GLP1R: variants seen among roughly 807,000 people sequenced by gnomAD.
GLP1R encodes the protein glucagon-like peptide 1 receptor.
A neutral mutation model predicts 68.4 loss-of-function variants in GLP1R; 32 were observed. The observed-to-expected ratio is 0.47, with a 90% CI of 0.35 to 0.63. GLP1R has a LOEUF of 0.63. Among genes scored for constraint, GLP1R ranks in the 20% least tolerant of loss-of-function variants. The pLI, the probability that GLP1R is intolerant of heterozygous loss-of-function variation, is 0.00. For missense variants in GLP1R, 502 were observed against 594.9 expected, an observed-to-expected ratio of 0.84 and a Z score of 1.62; for synonymous variants, 263 against 244.4, an observed-to-expected ratio of 1.08 and a Z score of -0.71.
intron 7 of GLP1R, among the ~76,000 whole-genome samples, chr6:39,078,011 G>C (rs967574741): frequency 6.6e-6 from 1 of 152,100 alleles, no homozygotes. Flanking sequence ...GCTGCTGTTT[G>C]TGTGTCTGTG....
intron 1 of GLP1R, among the ~76,000 whole-genome samples, chr6:39,052,270 A>G (rs1021547511): frequency 1.3e-5 from 2 of 152,060 alleles, no homozygotes; most frequent in African/African-American, 4.8e-5. Context: ...TTGAAAAAAA[A>G]GAAAGAAAGA....
chr6:39,073,917 C>T (rs10305478), intron 7 of GLP1R, 148 bp downstream of exon 7: 37,239 of 671,666 alleles, frequency 0.055, 1,486 homozygotes, highest in South Asian at 0.12. Flanking sequence ...CCTTCTGCCC[C>T]GGTGCTGTTA....
rs1768941520 is a variant in GLP1R at position 39,079,693 on chromosome 6, C to T, written c.1173C>T (p.Thr391=). The change falls in exon 11 of 13, where the codon ACC becomes ACT. Residue 391 remains threonine, a synonymous_variant. Transcript: ENST00000373256. This position sits in a 1 kb window ranked among gnomAD's most constrained non-coding sequence, Gnocchi z 4.5. ...AGCTGTTTACAGAGCTCTCCTTCAC[C>T]TCCTTCCAGGTGACTTCATGCTTGG... ...FIKLFTELSF[T]SFQGLMVAIL... 1 of 1,612,730 alleles carries T rather than the reference C, an allele frequency of 6.2e-7. No individual in the cohort carries two copies. Among genetic ancestry groups the T allele is most frequent in the African/African-American group, 1.3e-5 (1 of 74,970 alleles).
chr6:39,084,088 A>C (rs2150839277), intron 12 of GLP1R, among the ~76,000 whole-genome samples: 1 of 152,224 alleles, frequency 6.6e-6, no homozygotes, highest in South Asian at 2.1e-4. Flanking sequence ...GCAGGACTGC[A>C]AGAGCCACGC....
intron 12 of GLP1R, among the ~76,000 whole-genome samples, chr6:39,082,476 T>A (rs1769031296): frequency 6.6e-6 from 1 of 152,046 alleles, no homozygotes; most frequent in African/African-American, 2.4e-5. Flanking sequence ...GGCCCATAAA[T>A]GGGATTCTGG....
chr6:39,071,364 A>AG (rs1398390351), intron 5 of GLP1R, among the ~76,000 whole-genome samples: 24 of 137,362 alleles, frequency 1.7e-4, no homozygotes, highest in Middle Eastern at 4.0e-3. Context: ...AAAAAAAAAA[A>AG]AAAGAAAGAA....
intron 2 of GLP1R, 88 bp from the exon 3 acceptor site, chr6:39,057,384 C>T (rs553851041): frequency 3.6e-4 from 292 of 819,870 alleles, no homozygotes; most frequent in Middle Eastern, 6.6e-4. Context: ...ATGCAGCCTC[C>T]GAGGAGGGGA....
At chr6:39,083,211 A>G (rs1445723139) in intron 12 of GLP1R, among the ~76,000 whole-genome samples, 1 of 152,212 alleles carries the variant, frequency 6.6e-6, no homozygotes, top group Non-Finnish European at 1.5e-5. Flanking sequence ...CCCTGCTCAG[A>G]GAACGGGAGA....
intron 12 of GLP1R, among the ~76,000 whole-genome samples, chr6:39,081,901 G>A (rs373741017): frequency 7.2e-4 from 109 of 152,302 alleles, no homozygotes; most frequent in African/African-American, 2.0e-3. Context: ...AAAAAGGTGC[G>A]AAAGGGGAAC....
chr6:39,065,645 G>A (rs1768481377), intron 3 of GLP1R, 66 bp from the exon 4 acceptor site: 3 of 929,108 alleles, frequency 3.2e-6, no homozygotes, highest in East Asian at 2.7e-5. Context: ...AGGAAGGGGA[G>A]CATCTAGCAC....
chr6:39,063,087 G>A (rs571260141), intron 3 of GLP1R, among the ~76,000 whole-genome samples: 1 of 152,286 alleles, frequency 6.6e-6, no homozygotes, highest in Non-Finnish European at 1.5e-5. Flanking sequence ...GTCTTTAGAT[G>A]GTTTGTGTGC....
In GLP1R at chr6:39,079,808, G is replaced by C; in HGVS notation, c.1182+106G>C. On this transcript the variant is annotated intron_variant, in intron 11 of 12. Transcript: ENST00000373256. The surrounding 1 kb of genome is among the most constrained non-coding windows in gnomAD (Gnocchi z 4.5). ...GAAAAGGTGGGAAGACTGGGACCTG[G>C]AGGGGTGATCCCTGCCCAAAGTCAC... The C allele has an allele frequency of 9.4e-7, 1 of 1,064,274 alleles. No homozygotes were observed. The highest frequency in any genetic ancestry group is 1.4e-6 in the Non-Finnish European group (1 of 716,040). The allele number at this position is 1,064,274 out of a possible 1,614,324, so 65.9% of individuals were successfully genotyped here. A position where few individuals can be genotyped will look rare whatever the true frequency, so the allele number is the denominator to read the frequency against.
intron 3 of GLP1R, among the ~76,000 whole-genome samples, chr6:39,058,721 G>A (rs892279328): frequency 6.6e-6 from 1 of 152,126 alleles, no homozygotes; most frequent in Non-Finnish European, 1.5e-5. Flanking sequence ...AGTACCTACT[G>A]TGTGCCAAGT....
intron 7 of GLP1R, 40 bp downstream of exon 7, chr6:39,073,809 G>C: frequency 6.3e-7 from 1 of 1,593,476 alleles, no homozygotes; most frequent in Non-Finnish European, 8.6e-7. Flanking sequence ...TGTGGCACGG[G>C]GGTGGGAGAC....
intron 3 of GLP1R, among the ~76,000 whole-genome samples, chr6:39,058,931 G>A (rs1456188246): frequency 6.6e-6 from 1 of 152,254 alleles, no homozygotes; most frequent in African/African-American, 2.4e-5. Context: ...CCAGAAACAA[G>A]TGCGGGCATG....
chr6:39,060,664 T>G (rs933329244), intron 3 of GLP1R, among the ~76,000 whole-genome samples: 1 of 152,192 alleles, frequency 6.6e-6, no homozygotes, highest in Non-Finnish European at 1.5e-5. Flanking sequence ...CTTCTGCCAA[T>G]GCCTCCCACT....
At chr6:39,059,462 C>T (rs1347458480) in intron 3 of GLP1R, among the ~76,000 whole-genome samples, 3 of 152,142 alleles carry the variant, frequency 2.0e-5, no homozygotes, top group Non-Finnish European at 2.9e-5. Flanking sequence ...CCTCTGCTGT[C>T]TGGGCACACC....
At chr6:39,060,871 G>C (rs1768341640) in intron 3 of GLP1R, among the ~76,000 whole-genome samples, 1 of 152,198 alleles carries the variant, frequency 6.6e-6, no homozygotes, top group South Asian at 2.1e-4. Context: ...TGTGCATTGG[G>C]GAGAAGGGGT....
chr6:39,066,411 C>T (rs1390099488), intron 5 of GLP1R, 108 bp downstream of exon 5: 4 of 644,716 alleles, frequency 6.2e-6, no homozygotes, highest in Admixed American at 2.6e-5. Context: ...CACATTCGTC[C>T]TTCTCTCAAG....
Sources: gnomAD v4.1 joint callset for allele counts (sites outside exome capture counted in the v4.1 genomes callset) on GRCh38, gnomAD v4.1.1 for gene constraint, Gnocchi (gnomAD v3.1) non-coding constraint, MANE v1.5 for transcripts, NCBI Gene and HGNC (gene_info 2026-07-23, HGNC 2026-07-21) for gene names.